The following LINGO2 variants were observed in gnomAD, a reference collection of about 807,000 sequenced individuals.
LINGO2 encodes the protein leucine rich repeat and Ig domain containing 2.
A neutral mutation model predicts 30.6 loss-of-function variants in LINGO2; 14 were observed. The observed-to-expected ratio is 0.46, with a 90% CI of 0.30 to 0.72. The LOEUF (loss-of-function observed/expected upper bound fraction) is 0.72. Ranked by LOEUF, LINGO2 falls within the 30% of genes least tolerant of loss-of-function variation. The pLI, the probability that LINGO2 is intolerant of heterozygous loss-of-function variation, is 0.07. For missense variants in LINGO2, 729 were observed against 751.7 expected, an observed-to-expected ratio of 0.97 and a Z score of 0.35; for synonymous variants, 317 against 288.5, an observed-to-expected ratio of 1.10 and a Z score of -1.00.
At chr9:28,141,861 G>A (rs966648120) in intron 4 of LINGO2, among the ~76,000 whole-genome samples, 1 of 152,156 alleles carries the variant, frequency 6.6e-6, no homozygotes, top group African/African-American at 2.4e-5. Context: ...GCAGTGAGCC[G>A]AGATCGCGCC....
At chr9:29,003,467 C>G in the LINGO2 span, among the ~76,000 whole-genome samples, 1 of 151,824 alleles carries the variant, frequency 6.6e-6, no homozygotes, top group African/African-American at 2.4e-5. Flanking sequence ...AGACAGACCA[C>G]TAGAGGACTG....
chr9:28,179,864 G>A (rs1349597025), intron 4 of LINGO2, among the ~76,000 whole-genome samples: 1 of 151,598 alleles, frequency 6.6e-6, no homozygotes, highest in Non-Finnish European at 1.5e-5. Flanking sequence ...CTGTTAAGCA[G>A]GTTTGTGCAG....
the LINGO2 span, among the ~76,000 whole-genome samples, chr9:28,721,892 A>G: frequency 6.6e-6 from 1 of 152,154 alleles, no homozygotes; most frequent in African/African-American, 2.4e-5. Flanking sequence ...TCTTGTTAAA[A>G]TAGCCAAAAT....
the LINGO2 span, among the ~76,000 whole-genome samples, chr9:29,082,143 A>C: frequency 6.6e-6 from 1 of 152,296 alleles, no homozygotes. Flanking sequence ...CCAAAAGAAC[A>C]AAGCTGGAGG....
chr9:28,967,609 G>A, the LINGO2 span, among the ~76,000 whole-genome samples: 1 of 152,042 alleles, frequency 6.6e-6, no homozygotes, highest in African/African-American at 2.4e-5. Context: ...ACATCATTCA[G>A]TTATGTTTTA....
At chr9:28,695,937 G>A in the LINGO2 span, among the ~76,000 whole-genome samples, 16 of 151,780 alleles carry the variant, frequency 1.1e-4, no homozygotes, top group Non-Finnish European at 8.8e-5. Context: ...ATGGATGTAC[G>A]CTCTTTACAT....
chr9:28,650,537 T>A (rs1484877037), intron 1 of LINGO2, among the ~76,000 whole-genome samples: 2 of 152,094 alleles, frequency 1.3e-5, no homozygotes, highest in African/African-American at 2.4e-5. Flanking sequence ...AGTCCTCACT[T>A]CCCTAGCCAA....
At chr9:28,025,825 G>A (rs530733851) in intron 4 of LINGO2, among the ~76,000 whole-genome samples, 1 of 152,294 alleles carries the variant, frequency 6.6e-6, no homozygotes, top group South Asian at 2.1e-4. Context: ...CACTGCTGAG[G>A]ATGGCTGGAT....
the LINGO2 span, among the ~76,000 whole-genome samples, chr9:28,846,502 G>T: frequency 6.9e-6 from 1 of 144,296 alleles, no homozygotes; most frequent in African/African-American, 2.6e-5. Context: ...ATGGAAGTGG[G>T]TGTTAAATAA....
the LINGO2 span, among the ~76,000 whole-genome samples, chr9:28,957,363 C>T: frequency 5.4e-3 from 821 of 152,240 alleles, 7 homozygotes; most frequent in African/African-American, 0.019. Flanking sequence ...CAAAGGGATG[C>T]ACATGAAATT....
At chr9:28,671,513 C>CAAAAAAAAAAAAAAAAAAAAAAGAAAA (rs11286682), upstream of LINGO2, among the ~76,000 whole-genome samples, 1 of 105,668 alleles carries the variant, frequency 9.5e-6, no homozygotes, top group Non-Finnish European at 1.8e-5. Flanking sequence ...TTATCTTAAG[C>CAAAAAAAAAAAAAAAAAAAAAAGAAAA]AAAAAAAAAA....
chr9:29,046,282 C>T, the LINGO2 span, among the ~76,000 whole-genome samples: 13 of 152,210 alleles, frequency 8.5e-5, no homozygotes, highest in East Asian at 1.9e-3. Context: ...CATAGACAGC[C>T]TCAATATGCA....
intron 4 of LINGO2, among the ~76,000 whole-genome samples, chr9:28,072,510 C>A (rs1825508405): frequency 6.6e-6 from 1 of 152,166 alleles, no homozygotes; most frequent in South Asian, 2.1e-4. Context: ...CTAGACTAGA[C>A]CTGTCAGGCC....
At chr9:28,804,446 C>T in the LINGO2 span, among the ~76,000 whole-genome samples, 2 of 152,002 alleles carry the variant, frequency 1.3e-5, no homozygotes, top group African/African-American at 2.4e-5. Flanking sequence ...GGGCCATCTT[C>T]TCCCTTAATA....
chr9:28,133,057 A>G (rs1158038566), intron 4 of LINGO2, among the ~76,000 whole-genome samples: 1 of 143,316 alleles, frequency 7.0e-6, no homozygotes, highest in African/African-American at 2.6e-5. Flanking sequence ...AAATACAGGA[A>G]GGCAGAAAAA....
chr9:28,718,656 G>A, the LINGO2 span, among the ~76,000 whole-genome samples: 1 of 151,900 alleles, frequency 6.6e-6, no homozygotes, highest in Non-Finnish European at 1.5e-5. Context: ...TTTGTTCCTA[G>A]GCTAAAAGCC....
At chr9:28,233,995 C>T (rs1821467575) in intron 4 of LINGO2, among the ~76,000 whole-genome samples, 1 of 152,162 alleles carries the variant, frequency 6.6e-6, no homozygotes, top group East Asian at 1.9e-4. Flanking sequence ...AGGTGAGACT[C>T]AGCACATTCC....
intron 4 of LINGO2, among the ~76,000 whole-genome samples, chr9:28,104,274 T>TTTTG (rs1826512180): frequency 6.8e-6 from 1 of 147,308 alleles, no homozygotes; most frequent in Non-Finnish European, 1.5e-5. Flanking sequence ...TTGTTTTTTT[T>TTTTG]TTTTTTTTTT....
intron 4 of LINGO2, among the ~76,000 whole-genome samples, chr9:28,028,125 C>T (rs1051882088): frequency 2.0e-5 from 3 of 152,062 alleles, no homozygotes; most frequent in Non-Finnish European, 2.9e-5. Flanking sequence ...ATCACTCATG[C>T]TATATTTGAA....
Sources: gnomAD v4.1 joint callset for allele counts (sites outside exome capture counted in the v4.1 genomes callset) on GRCh38, gnomAD v4.1.1 for gene constraint, MANE v1.5 for transcripts, NCBI Gene and HGNC (gene_info 2026-07-23, HGNC 2026-07-21) for gene names.